The following SHPRH variants were observed in gnomAD, a reference collection of about 807,000 sequenced individuals.
The protein encoded by SHPRH is SNF2 histone linker PHD RING helicase.
A neutral mutation model predicts 202.5 loss-of-function variants in SHPRH; 106 were observed. That is an observed-to-expected ratio of 0.52 (90% CI 0.45 to 0.62). The LOEUF (loss-of-function observed/expected upper bound fraction) is 0.62. Among genes scored for constraint, SHPRH ranks in the 20% least tolerant of loss-of-function variants. SHPRH has a pLI of 0.00. For synonymous variants in SHPRH, 729 were observed against 686.0 expected (o/e 1.06, Z -0.98); for missense variants, 1,710 against 2,020.0 (o/e 0.85, Z 2.94).
At chr6:145,869,774 G>A (rs1779968910) in intron 2 of SHPRH, among the ~76,000 whole-genome samples, 1 of 143,024 alleles carries the variant, frequency 7.0e-6, no homozygotes, top group Admixed American at 6.9e-5. Flanking sequence ...TTCTGACTTT[G>A]TTCTTCTCCT....
intron 2 of SHPRH, among the ~76,000 whole-genome samples, chr6:145,869,153 G>A (rs1779939681): frequency 6.6e-6 from 1 of 151,958 alleles, no homozygotes; most frequent in Non-Finnish European, 1.5e-5. Flanking sequence ...TTCCTTTTTT[G>A]AGATACCTGT....
rs900597628 is a variant in SHPRH at position 145,924,740 on chromosome 6, T to C, written c.3401A>G (p.Lys1134Arg). The C allele has an allele frequency of 1.2e-6, 2 of 1,611,004 alleles. No individual in the cohort carries two copies. Among genetic ancestry groups the C allele is most frequent in the African/African-American group, 2.7e-5 (2 of 74,852 alleles). ...VQQTIHELQR[K>R]IHSNSPWWLN... ...AAGAAACACTGCATTTTGGCATACC[T>C]TTCTTTGAAGCTCATGGATGGTCTG... is the stretch of plus-strand genomic sequence containing the variant. The change falls in exon 17 of 30, where the codon AAG becomes AGG. Residue 1134 changes from lysine (K) to arginine (R), a missense_variant and splice_region_variant. By Grantham distance (26) the Lys-to-Arg change is conservative. Around this residue, in one of 8 missense-constraint regions of SHPRH, gnomAD observed 288 missense variants for 317.8 expected, o/e 0.91. Coordinates refer to ENST00000275233, the MANE Select transcript of SHPRH (RefSeq NM_001042683.3).
intron 22 of SHPRH, chr6:145,919,106 C>T (rs955210925): frequency 4.9e-6 from 2 of 406,356 alleles, no homozygotes; most frequent in Non-Finnish European, 8.7e-6. Context: ...GATGAATGCG[C>T]AACCTGGAGA....
chr6:145,927,881 T>C (rs1785030156), intron 14 of SHPRH, among the ~76,000 whole-genome samples: 2 of 151,924 alleles, frequency 1.3e-5, no homozygotes, highest in African/African-American at 4.8e-5. Flanking sequence ...TGTATGCTGT[T>C]TTCTACTGTT....
At chr6:145,925,367 C>T (rs997902748) in intron 16 of SHPRH, among the ~76,000 whole-genome samples, 2 of 150,398 alleles carry the variant, frequency 1.3e-5, no homozygotes, top group Admixed American at 7.0e-5. Flanking sequence ...CACACACACA[C>T]ACATGCATGC....
chr6:145,906,869 CA>C (rs1562305539), intron 25 of SHPRH: 1 of 152,154 alleles, frequency 6.6e-6, no homozygotes. Flanking sequence ...GTAGTTGATC[CA>C]CCTTCAGCAC....
In SHPRH at chr6:145,947,920, TA is replaced by T. The variant is rs564194230; in HGVS notation, c.1062-278del. Among the ~76,000 whole-genome samples the T allele has an allele frequency of 3.3e-3, 499 of 150,560 alleles. 2 individuals carry two copies. The highest frequency in any genetic ancestry group is 6.9e-3 in the Middle Eastern group (2 of 290). Reference sequence around the variant, plus strand: ...TCTATGACCTTTATGAATCTATGAATAAAAAAAAATACAAAGGGCAATAACT... The same window carrying T: ...TCTATGACCTTTATGAATCTATGAATAAAAAAAATACAAAGGGCAATAACT... On this transcript the variant is annotated intron_variant, in intron 5 of 29. Coordinates refer to ENST00000275233, the MANE Select transcript of SHPRH (RefSeq NM_001042683.3).
downstream of SHPRH, among the ~76,000 whole-genome samples, chr6:145,880,899 A>C (rs1780534464): frequency 6.6e-6 from 1 of 152,140 alleles, no homozygotes; most frequent in Admixed American, 6.5e-5. Context: ...AGTGATAAAA[A>C]CTTAACTAGA....
In SHPRH at chr6:145,886,253, T is replaced by C; in HGVS notation, c.*438A>G. ...TCTACTTAAAATATTACTAACAAGA[T>C]ATTGGTGAATCATGTGCTAAAGATA... On this transcript the variant is annotated 3_prime_UTR_variant, in exon 30 of 30. Transcript: ENST00000275233. 1 of 482,302 alleles carries C rather than the reference T, an allele frequency of 2.1e-6. No homozygotes were observed. The highest frequency in any genetic ancestry group is 3.9e-6 in the Non-Finnish European group (1 of 257,628). 29.9% of individuals were successfully genotyped at this position (482,302 alleles called of 1,614,324 possible). A position where few individuals can be genotyped will look rare whatever the true frequency, so the allele number is the denominator to read the frequency against.
At chr6:145,881,655 C>T (rs1055739533), downstream of SHPRH, 4 of 152,094 alleles carry the variant, frequency 2.6e-5, no homozygotes, top group Admixed American at 2.6e-4. Flanking sequence ...TTTCGTAAGT[C>T]CACTGACTCC....
Position 145,941,799 on chromosome 6 carries a change from A to C in SHPRH, c.2314T>G (p.Tyr772Asp). The change falls in exon 10 of 30, where the codon TAT becomes GAT. Residue 772 changes from tyrosine (Y) to aspartate (D), a missense_variant. Tyr to Asp is a radical substitution (Grantham distance 160). Coordinates refer to ENST00000275233, the MANE Select transcript of SHPRH (RefSeq NM_001042683.3). ...TTTAATTCTGAACGCAGTACATCAT[A>C]GGTAATGATAACTATATCCTGTTCT... ...LAEQDIVIITYDVLRSELNYV... is the reference protein window; with the variant it reads ...LAEQDIVIITDDVLRSELNYV... The C allele has an allele frequency of 4.3e-6, 7 of 1,614,060 alleles. No homozygotes were observed. Among genetic ancestry groups the C allele is most frequent in the Non-Finnish European group, 5.9e-6 (7 of 1,179,988 alleles).
At chr6:145,926,832 T>C (rs908515544) in intron 15 of SHPRH, among the ~76,000 whole-genome samples, 1 of 151,988 alleles carries the variant, frequency 6.6e-6, no homozygotes, top group Non-Finnish European at 1.5e-5. Context: ...TTTTATTGCT[T>C]AGTTCCTTTT....
intron 6 of SHPRH, among the ~76,000 whole-genome samples, chr6:145,947,015 T>C (rs1315472918): frequency 3.3e-5 from 5 of 152,104 alleles, no homozygotes; most frequent in African/African-American, 1.2e-4. Flanking sequence ...AACACAATTA[T>C]GTATTTTGGG....
intron 2 of SHPRH, among the ~76,000 whole-genome samples, chr6:145,870,134 T>G (rs1447292709): frequency 1.3e-5 from 2 of 152,098 alleles, no homozygotes; most frequent in Non-Finnish European, 2.9e-5. Context: ...ATTTTTAATT[T>G]TAAATTCTAC....
chr6:145,932,477 T>A (rs903304476), intron 14 of SHPRH, among the ~76,000 whole-genome samples: 1 of 151,706 alleles, frequency 6.6e-6, no homozygotes, highest in Non-Finnish European at 1.5e-5. Context: ...GTGCATAATA[T>A]ATAACACTAT....
chr6:145,931,623 A>T (rs13201569), intron 14 of SHPRH, among the ~76,000 whole-genome samples: 5 of 152,052 alleles, frequency 3.3e-5, no homozygotes, highest in African/African-American at 1.2e-4. Flanking sequence ...GGCACAAGCC[A>T]CCGTGCCTGG....
chr6:145,945,947 C>T lies in SHPRH; in HGVS notation c.1321+286G>A, dbSNP rs949986280. On this transcript the variant is annotated intron_variant, in intron 7 of 29. Coordinates refer to ENST00000275233, the MANE Select transcript of SHPRH (RefSeq NM_001042683.3). ...TTAAGTATACGCTACCATTAGTATG[C>T]GAAACATTCATTTCCTAAAAGATAA... Among the ~76,000 whole-genome samples the T allele has an allele frequency of 5.3e-5, 8 of 152,024 alleles. No homozygotes were observed. The South Asian group carries it at 1.2e-3, about 24-fold the overall frequency.
chr6:145,858,898 T>C, the SHPRH span, among the ~76,000 whole-genome samples: 31 of 152,080 alleles, frequency 2.0e-4, 1 homozygote, highest in Non-Finnish European at 5.9e-5. Flanking sequence ...TATGGTACTT[T>C]AGATTTCACG....
intron 21 of SHPRH, 116 bp from the exon 22 acceptor site, chr6:145,919,607 G>C: frequency 8.3e-7 from 1 of 1,208,672 alleles, no homozygotes; most frequent in Non-Finnish European, 1.1e-6. Context: ...TTTTCGCTAT[G>C]TGTCTAACGT....
Sources: gnomAD v4.1 joint callset for allele counts (sites outside exome capture counted in the v4.1 genomes callset) on GRCh38, gnomAD v4.1.1 for gene constraint, gnomAD v4.1.1 regional missense constraint, MANE v1.5 for transcripts, NCBI Gene and HGNC (gene_info 2026-07-23, HGNC 2026-07-21) for gene names.